NPAS3: variants seen among roughly 807,000 people sequenced by gnomAD.
NPAS3 encodes the protein neuronal PAS domain protein 3, also known as neuronal PAS domain-containing protein 3.
Under a neutral mutation model 73.1 loss-of-function variants are expected in NPAS3, and 14 were observed. The observed-to-expected ratio is 0.19, with a 90% CI of 0.13 to 0.30. NPAS3 has a LOEUF of 0.30. Among genes scored for constraint, NPAS3 ranks in the 10% least tolerant of loss-of-function variants. The pLI, the probability that NPAS3 is intolerant of heterozygous loss-of-function variation, is 1.00. For synonymous variants in NPAS3, 620 were observed against 541.5 expected (o/e 1.14, Z -2.01); for missense variants, 1,096 against 1,250.0 (o/e 0.88, Z 1.86).
intron 4 of NPAS3, among the ~76,000 whole-genome samples, chr14:33,463,964 G>A (rs1408882373): frequency 6.6e-6 from 1 of 152,114 alleles, no homozygotes; most frequent in Non-Finnish European, 1.5e-5. Flanking sequence ...TGGATTCCTG[G>A]CATGGCAAAT....
At chr14:33,045,244 T>A (rs1417832394) in intron 1 of NPAS3, among the ~76,000 whole-genome samples, 1 of 152,186 alleles carries the variant, frequency 6.6e-6, no homozygotes, top group Non-Finnish European at 1.5e-5. Flanking sequence ...GGATCCCAGA[T>A]GTCATCCTGA....
chr14:33,703,973 G>A (rs926922316), intron 6 of NPAS3, among the ~76,000 whole-genome samples: 10 of 152,172 alleles, frequency 6.6e-5, no homozygotes, highest in Admixed American at 2.0e-4. Context: ...TTTGAATCTC[G>A]TCTCAGAGCT....
chr14:33,441,199 G>T (rs1441187840), intron 4 of NPAS3, among the ~76,000 whole-genome samples: 2 of 152,142 alleles, frequency 1.3e-5, no homozygotes, highest in Non-Finnish European at 1.5e-5. Context: ...TCTTATGAGA[G>T]AATTTTAAGA....
chr14:33,248,918 T>C (rs1439878280), intron 3 of NPAS3, among the ~76,000 whole-genome samples: 1 of 152,190 alleles, frequency 6.6e-6, no homozygotes, highest in Non-Finnish European at 1.5e-5. Context: ...GCTTTTTCAG[T>C]GTGGCATACA....
chr14:33,127,498 G>T (rs1435752662), intron 2 of NPAS3, among the ~76,000 whole-genome samples: 3 of 152,032 alleles, frequency 2.0e-5, no homozygotes, highest in Non-Finnish European at 4.4e-5. Context: ...GTGTTAGTTT[G>T]GGCTGTGTCT....
intron 4 of NPAS3, among the ~76,000 whole-genome samples, chr14:33,426,064 G>A (rs1382950230): frequency 6.6e-6 from 1 of 152,078 alleles, no homozygotes; most frequent in Non-Finnish European, 1.5e-5. Context: ...GCTTTCTTAT[G>A]CCTGTTGCAG....
intron 6 of NPAS3, among the ~76,000 whole-genome samples, chr14:33,687,006 G>C (rs560182727): frequency 1.5e-3 from 221 of 152,306 alleles, no homozygotes; most frequent in African/African-American, 5.1e-3. Context: ...CTATAACCCA[G>C]AAGTGAGTGA....
At chr14:33,509,211 AC>A (rs1454154817) in intron 4 of NPAS3, among the ~76,000 whole-genome samples, 1 of 151,998 alleles carries the variant, frequency 6.6e-6, no homozygotes, top group Non-Finnish European at 1.5e-5. Context: ...ATCATATTAC[AC>A]TGATGACTCC....
intron 5 of NPAS3, among the ~76,000 whole-genome samples, chr14:33,659,928 T>A (rs2059260249): frequency 6.6e-6 from 1 of 152,080 alleles, no homozygotes; most frequent in African/African-American, 2.4e-5. Flanking sequence ...CTTCGCTAAA[T>A]GAAAACCCCT....
At chr14:33,198,174 C>A (rs1355675380) in intron 2 of NPAS3, among the ~76,000 whole-genome samples, 1 of 152,130 alleles carries the variant, frequency 6.6e-6, no homozygotes, top group South Asian at 2.1e-4. Flanking sequence ...AAAGTCAGTG[C>A]GGACCCAAAG....
At chr14:33,663,299 G>A (rs555544039) in intron 5 of NPAS3, among the ~76,000 whole-genome samples, 17 of 152,124 alleles carry the variant, frequency 1.1e-4, no homozygotes, top group Non-Finnish European at 1.9e-4. Context: ...GAATTTTATC[G>A]AAGGCCTTTA....
chr14:33,523,414 T>G (rs1326976945), intron 4 of NPAS3, among the ~76,000 whole-genome samples: 1 of 144,310 alleles, frequency 6.9e-6, no homozygotes, highest in East Asian at 2.1e-4. Context: ...ATCATGCCAC[T>G]GCGCTCCAGC....
intron 1 of NPAS3, among the ~76,000 whole-genome samples, chr14:33,008,229 C>A (rs978323707): frequency 2.0e-5 from 3 of 151,816 alleles, no homozygotes; most frequent in African/African-American, 7.3e-5. Flanking sequence ...GAAATCTGCA[C>A]GGTTAAAAAA....
chr14:33,533,323 A>T (rs1343867888), intron 4 of NPAS3, among the ~76,000 whole-genome samples: 1 of 152,216 alleles, frequency 6.6e-6, no homozygotes, highest in African/African-American at 2.4e-5. Context: ...CAAACATGCC[A>T]TTAGAACATG....
chr14:33,475,296 C>T (rs1253366795), intron 4 of NPAS3, among the ~76,000 whole-genome samples: 1 of 151,946 alleles, frequency 6.6e-6, no homozygotes, highest in Non-Finnish European at 1.5e-5. Context: ...AAAAGATTTT[C>T]CCCTTTTGTT....
intron 10 of NPAS3, among the ~76,000 whole-genome samples, chr14:33,795,228 A>C (rs2063477354): frequency 6.6e-6 from 1 of 152,200 alleles, no homozygotes; most frequent in South Asian, 2.1e-4. Context: ...TGCACCACTT[A>C]AAAGAGTCTT....
chr14:33,311,361 T>C (rs565532025), intron 3 of NPAS3, among the ~76,000 whole-genome samples: 1 of 152,286 alleles, frequency 6.6e-6, no homozygotes, highest in Admixed American at 6.5e-5. Context: ...GAATACATTT[T>C]ATGTGTAAGT....
At chr14:33,629,144 A>T (rs1418909087) in intron 5 of NPAS3, among the ~76,000 whole-genome samples, 1 of 151,812 alleles carries the variant, frequency 6.6e-6, no homozygotes, top group Admixed American at 6.6e-5. Context: ...CTGAGGCAGG[A>T]GAATGGCGTG....
At chr14:33,110,277 G>A (rs1338410328) in intron 2 of NPAS3, among the ~76,000 whole-genome samples, 1 of 151,928 alleles carries the variant, frequency 6.6e-6, no homozygotes, top group Non-Finnish European at 1.5e-5. Flanking sequence ...GATTTGACAG[G>A]GTTTTAAATT....
Sources: allele counts gnomAD v4.1 joint callset (sites outside exome capture counted in the v4.1 genomes callset), GRCh38; gene constraint gnomAD v4.1.1; transcripts MANE v1.5; gene names NCBI Gene and HGNC (gene_info 2026-07-23, HGNC 2026-07-21).